CNTNAP5: variants seen among roughly 807,000 people sequenced by gnomAD.
The protein encoded by CNTNAP5 is contactin associated protein family member 5.
In CNTNAP5, 72 loss-of-function variants were observed where a neutral mutation model predicts 150.2. The ratio of observed to expected loss-of-function variants is 0.48; its 90% CI spans 0.40 to 0.58. CNTNAP5 has a LOEUF of 0.58. CNTNAP5 is among the 20% of genes least tolerant of loss of function. CNTNAP5 has a pLI of 0.00. For missense variants in CNTNAP5, 1,636 were observed against 1,626.2 expected, an observed-to-expected ratio of 1.01 and a Z score of -0.10; for synonymous variants, 672 against 619.8, an observed-to-expected ratio of 1.08 and a Z score of -1.25.
chr2:124,607,700 T>C (rs1677281449), intron 11 of CNTNAP5, among the ~76,000 whole-genome samples: 2 of 152,204 alleles, frequency 1.3e-5, no homozygotes, highest in Non-Finnish European at 2.9e-5. Flanking sequence ...AAGGTTTATG[T>C]TCTTAACTAC....
intron 13 of CNTNAP5, among the ~76,000 whole-genome samples, chr2:124,740,464 C>T (rs1680474105): frequency 6.6e-6 from 1 of 152,118 alleles, no homozygotes; most frequent in Admixed American, 6.6e-5. Flanking sequence ...GGTTACACTG[C>T]CAATCATTGG....
intron 1 of CNTNAP5, among the ~76,000 whole-genome samples, chr2:124,063,683 G>T (rs1452907305): frequency 6.6e-6 from 1 of 152,070 alleles, no homozygotes; most frequent in African/African-American, 2.4e-5. Flanking sequence ...AGAATGAAAA[G>T]AAAAAGAGAC....
At chr2:124,465,296 A>T (rs1341906846) in intron 6 of CNTNAP5, among the ~76,000 whole-genome samples, 1 of 152,154 alleles carries the variant, frequency 6.6e-6, no homozygotes, top group African/African-American at 2.4e-5. Flanking sequence ...TACCAGATGG[A>T]CTATGTTGTC....
At chr2:124,560,097 G>T (rs376292757) in intron 10 of CNTNAP5, among the ~76,000 whole-genome samples, 232 of 152,238 alleles carry the variant, frequency 1.5e-3, no homozygotes, top group African/African-American at 5.4e-3. Flanking sequence ...GTAAAACAAG[G>T]TCTGTGTGAG....
chr2:124,414,809 T>C (rs773402429), intron 3 of CNTNAP5, among the ~76,000 whole-genome samples: 6 of 152,112 alleles, frequency 3.9e-5, no homozygotes, highest in Non-Finnish European at 8.8e-5. Context: ...GATAAGTTTC[T>C]ACTGCACATT....
At chr2:124,193,949 C>T (rs1055027489) in intron 1 of CNTNAP5, among the ~76,000 whole-genome samples, 6 of 152,032 alleles carry the variant, frequency 3.9e-5, no homozygotes, top group Admixed American at 1.3e-4. Context: ...CCAGCAGGAC[C>T]GGGTGTGAGC....
intron 7 of CNTNAP5, among the ~76,000 whole-genome samples, chr2:124,487,489 G>A (rs964577819): frequency 6.6e-6 from 1 of 152,076 alleles, no homozygotes; most frequent in Non-Finnish European, 1.5e-5. Context: ...CATGGTGGAT[G>A]CCTGTAAGGA....
intron 1 of CNTNAP5, among the ~76,000 whole-genome samples, chr2:124,048,829 A>G (rs1253743980): frequency 1.3e-5 from 2 of 152,332 alleles, no homozygotes; most frequent in South Asian, 4.1e-4. Flanking sequence ...GGATGTCCTC[A>G]TAAGTATACA....
At chr2:124,595,827 G>T (rs796566622) in intron 11 of CNTNAP5, among the ~76,000 whole-genome samples, 1,375 of 86,098 alleles carry the variant, frequency 0.016, no homozygotes, top group East Asian at 0.024. Context: ...CCTGTTATTG[G>T]TCTATTCAGA....
chr2:124,827,946 G>C (rs138535545), intron 19 of CNTNAP5, among the ~76,000 whole-genome samples: 19 of 152,200 alleles, frequency 1.2e-4, no homozygotes, highest in African/African-American at 4.6e-4. Context: ...GATTTTTCCT[G>C]TTCTGGGTAA....
chr2:124,767,837 C>G (rs918142278), intron 16 of CNTNAP5, among the ~76,000 whole-genome samples: 1 of 152,188 alleles, frequency 6.6e-6, no homozygotes, highest in African/African-American at 2.4e-5. Flanking sequence ...TTTTCTCTCT[C>G]TGTTATGAAT....
chr2:124,752,639 G>A (rs181688685), intron 14 of CNTNAP5, among the ~76,000 whole-genome samples: 1 of 152,046 alleles, frequency 6.6e-6, no homozygotes, highest in Non-Finnish European at 1.5e-5. Context: ...AATAAATGAA[G>A]GAACATATAA....
At chr2:124,737,573 G>T (rs1435055221) in intron 13 of CNTNAP5, among the ~76,000 whole-genome samples, 2 of 152,186 alleles carry the variant, frequency 1.3e-5, no homozygotes, top group African/African-American at 4.8e-5. Context: ...GGTTTCATGG[G>T]CCATGGCGAG....
Position 124,363,607 on chromosome 2 carries a change from T to C in CNTNAP5, c.382-53836T>C, listed in dbSNP as rs537022994. ...GAATTATTTATGCAAGATGAGTGAG[T>C]TTTATAGATCTGTTGTACAGCATAG... On this transcript the variant is annotated intron_variant, in intron 3 of 23. Coordinates refer to ENST00000682447, the MANE Select transcript of CNTNAP5 (RefSeq NM_001367498.1). Among the ~76,000 whole-genome samples, 813 of 152,254 alleles carry C rather than the reference T, an allele frequency of 5.3e-3. 2 individuals carry two copies. Among genetic ancestry groups the C allele is most frequent in the Middle Eastern group, 0.02 (6 of 294 alleles).
chr2:124,278,646 T>TTCCAA (rs1687944526), intron 3 of CNTNAP5, among the ~76,000 whole-genome samples: 2 of 152,304 alleles, frequency 1.3e-5, no homozygotes, highest in South Asian at 4.1e-4. Context: ...AAACCCAATC[T>TTCCAA]GCTCATTCCA....
rs537517053 is a variant in CNTNAP5, at chr2:124,285,355, G to A, written c.381+42962G>A. 2.6e-5 allele frequency among the ~76,000 whole-genome samples: 4 copies of A among 152,214 alleles called. No homozygotes were observed. In the South Asian group the frequency reaches 8.3e-4, roughly 32 times the overall value. On this transcript the variant is annotated intron_variant, in intron 3 of 23. Transcript: ENST00000682447. ...CCTTTTCATAGAGTTATCTTAAGAA[G>A]CGAGATTAACTATATACTATGTAAT... is the stretch of plus-strand genomic sequence containing the variant.
At chr2:124,726,427 A>G (rs766027054) in intron 13 of CNTNAP5, among the ~76,000 whole-genome samples, 4 of 152,028 alleles carry the variant, frequency 2.6e-5, no homozygotes, top group Non-Finnish European at 5.9e-5. Context: ...CCCTGTCACC[A>G]TGTAAGATGT....
intron 17 of CNTNAP5, among the ~76,000 whole-genome samples, chr2:124,782,254 C>T (rs1366068521): frequency 6.6e-6 from 1 of 152,114 alleles, no homozygotes; most frequent in Non-Finnish European, 1.5e-5. Context: ...CTGAAGGCCA[C>T]GTAACCTCTG....
chr2:124,321,304 G>A (rs1158215513), intron 3 of CNTNAP5, among the ~76,000 whole-genome samples: 1 of 152,030 alleles, frequency 6.6e-6, no homozygotes, highest in Non-Finnish European at 1.5e-5. Flanking sequence ...TTAGTCGGGT[G>A]TGGTGGCACA....
Sources: allele counts gnomAD v4.1 joint callset (sites outside exome capture counted in the v4.1 genomes callset), GRCh38; gene constraint gnomAD v4.1.1; transcripts MANE v1.5; gene names NCBI Gene and HGNC (gene_info 2026-07-23, HGNC 2026-07-21).